The following TTC7B variants were observed in gnomAD, a reference collection of about 807,000 sequenced individuals.
TTC7B encodes the protein tetratricopeptide repeat protein 7B.
Under a neutral mutation model 106.8 loss-of-function variants are expected in TTC7B, and 28 were observed. The ratio of observed to expected loss-of-function variants is 0.26; its 90% CI spans 0.19 to 0.36. TTC7B has a LOEUF of 0.36. Ranked by LOEUF, TTC7B falls within the 10% of genes least tolerant of loss-of-function variation. The pLI is 1.00. For missense variants in TTC7B, 862 were observed against 1,076.4 expected, an observed-to-expected ratio of 0.80 and a Z score of 2.79; for synonymous variants, 405 against 430.6, an observed-to-expected ratio of 0.94 and a Z score of 0.74.
chr14:90,745,773 C>T (rs1270695851), intron 3 of TTC7B, among the ~76,000 whole-genome samples: 2 of 150,604 alleles, frequency 1.3e-5, no homozygotes, highest in East Asian at 1.9e-4. Flanking sequence ...AGTGCGACCT[C>T]GGCTCACTGC....
At chr14:90,701,096 G>A (rs906915140) in intron 5 of TTC7B, among the ~76,000 whole-genome samples, 6 of 152,044 alleles carry the variant, frequency 3.9e-5, no homozygotes, top group African/African-American at 1.2e-4. Context: ...CCTCGTTAGC[G>A]AAGGGCTCTC....
At chr14:90,550,156 C>T (rs550054464) in intron 19 of TTC7B, among the ~76,000 whole-genome samples, 2 of 152,236 alleles carry the variant, frequency 1.3e-5, no homozygotes, top group South Asian at 2.1e-4. Flanking sequence ...GCTCACCTAC[C>T]CCAGACCCTA....
chr14:90,556,033 G>A (rs1890288030), intron 19 of TTC7B, among the ~76,000 whole-genome samples: 1 of 152,250 alleles, frequency 6.6e-6, no homozygotes, highest in African/African-American at 2.4e-5. Context: ...ACACTCACAG[G>A]AGCGCCAGCG....
chr14:90,690,345 C>A (rs1220574524), intron 6 of TTC7B, among the ~76,000 whole-genome samples: 1 of 152,208 alleles, frequency 6.6e-6, no homozygotes, highest in Non-Finnish European at 1.5e-5. Flanking sequence ...CAAGAAAGAC[C>A]TTTCTTTAAA....
intron 1 of TTC7B, among the ~76,000 whole-genome samples, chr14:90,804,849 G>A (rs2030509443): frequency 6.6e-6 from 1 of 152,202 alleles, no homozygotes; most frequent in African/African-American, 2.4e-5. Flanking sequence ...CACAGCAAAA[G>A]GGCTGAGCCC....
intron 17 of TTC7B, chr14:90,602,044 A>T (rs1892444694): frequency 2.2e-6 from 1 of 445,282 alleles, no homozygotes; most frequent in Non-Finnish European, 4.5e-6. Flanking sequence ...CCAGAAATAA[A>T]GGCACATCTA....
intron 5 of TTC7B, among the ~76,000 whole-genome samples, chr14:90,709,791 C>T (rs1014819681): frequency 1.3e-5 from 2 of 151,508 alleles, no homozygotes; most frequent in African/African-American, 4.9e-5. Context: ...ATGCTTTTGT[C>T]ATGGCATAAG....
chr14:90,676,248 C>T (rs113267340), intron 9 of TTC7B: 2 of 125,418 alleles, frequency 1.6e-5, no homozygotes, highest in Non-Finnish European at 2.9e-5. Context: ...GAAAGAGAAA[C>T]TGCTTGAGAA....
chr14:90,610,019 A>G (rs183076222), intron 17 of TTC7B, among the ~76,000 whole-genome samples: 1 of 152,374 alleles, frequency 6.6e-6, no homozygotes, highest in East Asian at 1.9e-4. Context: ...GCCTAAATTT[A>G]GGCTGTGTGT....
chr14:90,595,399 G>T lies in TTC7B; in HGVS notation c.1967-1773C>A, dbSNP rs1892162523. Among the ~76,000 whole-genome samples the T allele has an allele frequency of 1.3e-5, 2 of 151,816 alleles. 1 individual carries two copies. The highest frequency in any genetic ancestry group is 4.8e-5 in the African/African-American group (2 of 41,380). On this transcript the variant is annotated intron_variant, in intron 17 of 19. Coordinates refer to ENST00000328459, the MANE Select transcript of TTC7B (RefSeq NM_001010854.2). ...AGAGTCTAATTGATGGTATATGAAG[G>T]GGGAACCTAAGAAGTGTGCTAAGAA...
chr14:90,713,388 T>C (rs1047165494), intron 5 of TTC7B, among the ~76,000 whole-genome samples: 1 of 152,150 alleles, frequency 6.6e-6, no homozygotes, highest in African/African-American at 2.4e-5. Flanking sequence ...AGTTCAGGGA[T>C]TACAGGCATG....
chr14:90,766,702 G>A, intron 3 of TTC7B: 1 of 1,460,962 alleles, frequency 6.8e-7, no homozygotes, highest in Non-Finnish European at 9.6e-7. Context: ...GAGGGCGGGA[G>A]AACTCACTGA....
At position 90,593,381 on chromosome 14, in the gene TTC7B, G is replaced by T. The variant is rs969103337; in HGVS notation, c.2107+105C>A. On this transcript the variant is annotated intron_variant, in intron 18 of 19. Coordinates refer to ENST00000328459, the MANE Select transcript of TTC7B (RefSeq NM_001010854.2). ...TTTGATCTCTCCTAATGAGGGGTGTGGGCTAAACAGACAAGCGCCCAGGCT... is the reference window on the plus strand; with the variant it reads ...TTTGATCTCTCCTAATGAGGGGTGTTGGCTAAACAGACAAGCGCCCAGGCT... 3.3e-5 allele frequency: 48 copies of T among 1,447,948 alleles called. No homozygotes were observed. The South Asian group carries it at 6.1e-4, about 18-fold the overall frequency. 89.7% of individuals were successfully genotyped at this position (1,447,948 alleles called of 1,614,324 possible). A position where few individuals can be genotyped will look rare whatever the true frequency, so the allele number is the denominator to read the frequency against.
intron 19 of TTC7B, among the ~76,000 whole-genome samples, chr14:90,551,196 CAGAGTGGGGCTAGACAGCAGG>C (rs1890065968): frequency 6.6e-6 from 1 of 152,220 alleles, no homozygotes; most frequent in African/African-American, 2.4e-5. Context: ...CTGCTGGACA[CAGAGTGGGGCTAGACAGCAGG>C]CTCCTGAAGG....
intron 4 of TTC7B, among the ~76,000 whole-genome samples, chr14:90,733,448 G>T (rs1023748562): frequency 3.3e-5 from 5 of 152,192 alleles, no homozygotes; most frequent in African/African-American, 1.2e-4. Context: ...ATAAATGGGA[G>T]AATGGGAAAG....
At chr14:90,588,298 G>GA (rs1378160481) in intron 18 of TTC7B, among the ~76,000 whole-genome samples, 1 of 152,226 alleles carries the variant, frequency 6.6e-6, no homozygotes, top group Non-Finnish European at 1.5e-5. Flanking sequence ...GCAGAAATCA[G>GA]AAAATCTGAT....
At chr14:90,562,063 G>A (rs1028935828) in intron 19 of TTC7B, among the ~76,000 whole-genome samples, 1 of 151,890 alleles carries the variant, frequency 6.6e-6, no homozygotes, top group African/African-American at 2.4e-5. Flanking sequence ...CCATAGCTTC[G>A]GGTACCATGT....
chr14:90,621,375 C>T (rs10135714), intron 15 of TTC7B, among the ~76,000 whole-genome samples: 16 of 133,232 alleles, frequency 1.2e-4, no homozygotes, highest in East Asian at 4.5e-4. Flanking sequence ...AGAGGCCACG[C>T]GGGTACGGCC....
intron 17 of TTC7B, chr14:90,602,053 T>C (rs1219758200): frequency 2.2e-6 from 1 of 452,964 alleles, no homozygotes; most frequent in Non-Finnish European, 4.4e-6. Context: ...AAGGCACATC[T>C]AGGTTGAGCT....
Sources: allele counts gnomAD v4.1 joint callset (sites outside exome capture counted in the v4.1 genomes callset), GRCh38; gene constraint gnomAD v4.1.1; transcripts MANE v1.5; gene names NCBI Gene and HGNC (gene_info 2026-07-23, HGNC 2026-07-21).